The following XXYLT1 variants were observed in gnomAD, a reference collection of about 807,000 sequenced individuals.
The protein encoded by XXYLT1 is xyloside xylosyltransferase 1.
In XXYLT1, 20 loss-of-function variants were observed where a neutral mutation model predicts 28.9. The ratio of observed to expected loss-of-function variants is 0.69; its 90% CI spans 0.49 to 1.00. The LOEUF (loss-of-function observed/expected upper bound fraction) is 1.00. XXYLT1 is among the 50% of genes least tolerant of loss of function. The probability of loss-of-function intolerance (pLI) is 0.00; values close to 1 mark genes in which losing one functional copy is unlikely to be tolerated. For synonymous variants in XXYLT1, 257 were observed against 253.8 expected (o/e 1.01, Z -0.12); for missense variants, 542 against 560.1 (o/e 0.97, Z 0.33).
intron 3 of XXYLT1, chr3:195,087,288 C>T (rs1715787015): frequency 6.6e-6 from 1 of 152,312 alleles, no homozygotes; most frequent in Non-Finnish European, 1.5e-5. Flanking sequence ...ACATTTTTCC[C>T]CTTTAAACTG....
At chr3:195,252,307 C>A (rs187161776) in intron 1 of XXYLT1, among the ~76,000 whole-genome samples, 1 of 152,104 alleles carries the variant, frequency 6.6e-6, no homozygotes, top group East Asian at 1.9e-4. Context: ...GCTTTAGCTA[C>A]GTCTATAATA....
At chr3:195,111,659 T>C (rs912606585) in intron 3 of XXYLT1, among the ~76,000 whole-genome samples, 4 of 152,188 alleles carry the variant, frequency 2.6e-5, no homozygotes, top group African/African-American at 9.7e-5. Context: ...ATACTATCAC[T>C]GGCCCACCCA....
intron 2 of XXYLT1, among the ~76,000 whole-genome samples, chr3:195,200,674 C>G (rs1398030599): frequency 1.3e-5 from 2 of 152,154 alleles, no homozygotes; most frequent in Non-Finnish European, 2.9e-5. Flanking sequence ...GCAACATGCC[C>G]CAAACCTGGA....
chr3:195,160,759 C>T (rs1720829955), intron 2 of XXYLT1, among the ~76,000 whole-genome samples: 1 of 152,210 alleles, frequency 6.6e-6, no homozygotes, highest in Admixed American at 6.5e-5. Context: ...ACCAGGCTGG[C>T]TTCTCGCACT....
chr3:195,188,344 A>C (rs762254931), intron 2 of XXYLT1, among the ~76,000 whole-genome samples: 9 of 152,226 alleles, frequency 5.9e-5, no homozygotes, highest in African/African-American at 1.4e-4. Flanking sequence ...ACAGCTTTCC[A>C]TAAGACACAC....
intron 3 of XXYLT1, among the ~76,000 whole-genome samples, chr3:195,083,990 C>CA (rs1488454471): frequency 6.6e-6 from 1 of 151,968 alleles, no homozygotes; most frequent in Non-Finnish European, 1.5e-5. Context: ...TGCACCACGG[C>CA]ACTCCAGCCT....
rs77540749 is a variant in XXYLT1 at position 195,077,785 on chromosome 3, C to T, written c.786-7674G>A. Among the ~76,000 whole-genome samples, 123 of 152,288 alleles carry T rather than the reference C, an allele frequency of 8.1e-4. No individual in the cohort carries two copies. The East Asian group carries it at 0.022, about 27-fold the overall frequency. ...GCAGGCCTGAGGCCTCCACATGGCA[C>T]GGCACCACCAGGACCCCAAGGTTGC... On this transcript the variant is annotated intron_variant, in intron 3 of 3. Transcript: ENST00000310380. This position sits in a 1 kb window ranked among gnomAD's most constrained non-coding sequence, Gnocchi z 4.8.
chr3:195,128,425 C>T (rs756315786), intron 3 of XXYLT1, among the ~76,000 whole-genome samples: 2 of 152,212 alleles, frequency 1.3e-5, no homozygotes, highest in African/African-American at 2.4e-5. Context: ...CTCCACCATG[C>T]AACCAATGTC....
chr3:195,261,141 G>C (rs868269046), intron 1 of XXYLT1, among the ~76,000 whole-genome samples: 18 of 152,236 alleles, frequency 1.2e-4, no homozygotes, highest in Admixed American at 2.0e-4. Context: ...ACATTCTAAA[G>C]GCCTGAACAG....
rs1725531452 is a variant in XXYLT1, at chr3:195,257,684, A to T, written c.504+12871T>A. On this transcript the variant is annotated intron_variant, in intron 1 of 3. Transcript: ENST00000310380. The surrounding 1 kb of genome is among the most constrained non-coding windows in gnomAD (Gnocchi z 4.3). Reference sequence around the variant, plus strand: ...CGCTCCAGAGTCCTGGCTACTGCTGACTCTCTGCCAACCCAGAGAGCCACA... The same window carrying T: ...CGCTCCAGAGTCCTGGCTACTGCTGTCTCTCTGCCAACCCAGAGAGCCACA... Among the ~76,000 whole-genome samples the T allele has an allele frequency of 6.6e-6, 1 of 150,506 alleles. No individual in the cohort carries two copies. Among genetic ancestry groups the T allele is most frequent in the Admixed American group, 6.6e-5 (1 of 15,140 alleles).
chr3:195,116,214 C>G (rs1477357876), intron 3 of XXYLT1, among the ~76,000 whole-genome samples: 1 of 152,182 alleles, frequency 6.6e-6, no homozygotes. Context: ...CATGCTGGAT[C>G]TACTGACACA....
At chr3:195,190,132 C>CAAAAAAA (rs763683271) in intron 2 of XXYLT1, among the ~76,000 whole-genome samples, 2 of 142,898 alleles carry the variant, frequency 1.4e-5, no homozygotes, top group African/African-American at 5.7e-5. Flanking sequence ...TTCAAAAATG[C>CAAAAAAA]AAAAAAAAAG....
chr3:195,084,800 A>G (rs1012835238), intron 3 of XXYLT1, among the ~76,000 whole-genome samples: 5 of 152,196 alleles, frequency 3.3e-5, no homozygotes, highest in Non-Finnish European at 7.3e-5. Context: ...GGATGTGAAG[A>G]GCACAGTGAA....
intron 2 of XXYLT1, among the ~76,000 whole-genome samples, chr3:195,157,295 T>C (rs916209352): frequency 6.6e-6 from 1 of 150,474 alleles, no homozygotes; most frequent in African/African-American, 2.5e-5. Context: ...GTTTCCTCTT[T>C]GGAGCACAGG....
intron 3 of XXYLT1, chr3:195,148,231 T>C (rs1167489495): frequency 6.6e-6 from 1 of 152,218 alleles, no homozygotes; most frequent in Non-Finnish European, 1.5e-5. Flanking sequence ...ACTTCTGATC[T>C]CTACCACAGG....
chr3:195,235,295 G>A (rs1033461842), intron 1 of XXYLT1, among the ~76,000 whole-genome samples: 3 of 152,072 alleles, frequency 2.0e-5, no homozygotes, highest in Admixed American at 6.5e-5. Flanking sequence ...CTACTATTAG[G>A]AGATTCTGAT....
rs1214239414 is a variant in XXYLT1, at chr3:195,254,203, C to T, written c.504+16352G>A. On this transcript the variant is annotated intron_variant, in intron 1 of 3. Transcript: ENST00000310380. ...CTGGCAGGTTCTCCAGGGCCTCAGCCCCAGGGCCTGGGACCAAAGCCCCAC... is the reference window on the plus strand; with the variant it reads ...CTGGCAGGTTCTCCAGGGCCTCAGCTCCAGGGCCTGGGACCAAAGCCCCAC... Among the ~76,000 whole-genome samples the T allele has an allele frequency of 2.0e-5, 3 of 152,248 alleles. No homozygotes were observed. The East Asian group carries it at 5.8e-4, about 29-fold the overall frequency.
intron 1 of XXYLT1, among the ~76,000 whole-genome samples, chr3:195,231,071 G>C (rs12491426): frequency 0.031 from 4,699 of 151,864 alleles, 140 homozygotes; most frequent in East Asian, 0.1. Flanking sequence ...GTGTTTTATT[G>C]TTTTCATCCT....
chr3:195,256,445 C>A lies in XXYLT1; in HGVS notation c.504+14110G>T. The A allele has an allele frequency of 1.0e-6, 1 of 981,344 alleles. No individual in the cohort carries two copies. Among genetic ancestry groups the A allele is most frequent in the Non-Finnish European group, 1.2e-6 (1 of 826,192 alleles). The allele number at this position is 981,344 out of a possible 1,614,324, so 60.8% of individuals were successfully genotyped here. On this transcript the variant is annotated intron_variant, in intron 1 of 3. Transcript: ENST00000310380. The surrounding 1 kb of genome is among the most constrained non-coding windows in gnomAD (Gnocchi z 4.2). ...AGGTGCGGCCCTGCACAGGGCAGGGCCCGAGAAACGAACCAGTACCTCCCA... is the reference window on the plus strand; with the variant it reads ...AGGTGCGGCCCTGCACAGGGCAGGGACCGAGAAACGAACCAGTACCTCCCA...
Sources: allele counts gnomAD v4.1 joint callset (sites outside exome capture counted in the v4.1 genomes callset), GRCh38; gene constraint gnomAD v4.1.1; non-coding constraint Gnocchi (gnomAD v3.1); transcripts MANE v1.5; gene names NCBI Gene and HGNC (gene_info 2026-07-23, HGNC 2026-07-21).